The following EPRS1 variants were observed in gnomAD, a reference collection of about 807,000 sequenced individuals.
The protein encoded by EPRS1 is glutamyl-prolyl-tRNA synthetase 1.
EPRS1 carries 107 observed loss-of-function variants against 188.3 expected under a neutral mutation model. The observed-to-expected ratio is 0.57, with a 90% CI of 0.49 to 0.67. The LOEUF (loss-of-function observed/expected upper bound fraction) is 0.67. EPRS1 is among the 30% of genes least tolerant of loss of function. The pLI, the probability that EPRS1 is intolerant of heterozygous loss-of-function variation, is 0.00. For synonymous variants in EPRS1, 596 were observed against 593.1 expected, an observed-to-expected ratio of 1.00 and a Z score of -0.07; for missense variants, 1,577 against 1,802.2, an observed-to-expected ratio of 0.88 and a Z score of 2.26.
chr1:219,997,268 G>C lies in EPRS1; in HGVS notation c.2256C>G (p.Val752=). ...CTTGAACAGCCACTCTATTGTAAAG[G>C]ACCAAGGAATCCTCAGATGTAGTAC... ...NNCTTSEDSL[V]LYNRVAVQGD... is the part of the protein sequence containing the mutation. The change falls in exon 18 of 32, where the codon GTC becomes GTG. Residue 752 remains valine, a synonymous_variant. Coordinates refer to ENST00000366923, the MANE Select transcript of EPRS1 (RefSeq NM_004446.3). 6.2e-7 allele frequency: 1 copy of C among 1,613,868 alleles called. No homozygotes were observed. Among genetic ancestry groups the C allele is most frequent in the Non-Finnish European group, 8.5e-7 (1 of 1,179,862 alleles).
intron 29 of EPRS1, 87 bp from the exon 30 acceptor site, chr1:219,972,234 A>T: frequency 1.2e-6 from 1 of 837,826 alleles, no homozygotes; most frequent in Non-Finnish European, 1.9e-6. Context: ...ATTTAATGAA[A>T]AGACAACCTG....
chr1:220,028,436 A>G (rs185547794), intron 6 of EPRS1, among the ~76,000 whole-genome samples: 17 of 146,340 alleles, frequency 1.2e-4, no homozygotes, highest in African/African-American at 3.8e-4. Context: ...GAGTGACTCT[A>G]TATCAGAATC....
In EPRS1 at chr1:219,988,727, A is replaced by G. The variant is rs758509806; in HGVS notation, c.2638T>C (p.Ser880Pro). The change falls in exon 19 of 32, where the codon TCT (serine) becomes CCT (proline). Residue 880 changes from serine to proline, a missense_variant. This residue lies in a region of EPRS1 where 1,278 missense variants were observed against 1,457.4 expected (regional missense o/e 0.88). Coordinates refer to ENST00000366923, the MANE Select transcript of EPRS1 (RefSeq NM_004446.3). ...GTTGGGCTTGAATCCGAACTTTGAG[A>G]TAATGGGGGCTGACCAGGTATGTAC... ...KEYIPGQPPL[S>P]QSSDSSPTRN... is the part of the protein sequence containing the mutation. The G allele has an allele frequency of 1.9e-6, 3 of 1,613,932 alleles. No individual in the cohort carries two copies. The highest frequency in any genetic ancestry group is 2.5e-6 in the Non-Finnish European group (3 of 1,179,838).
chr1:219,973,174 G>A, intron 29 of EPRS1, 64 bp downstream of exon 29: 1 of 1,425,740 alleles, frequency 7.0e-7, no homozygotes, highest in Non-Finnish European at 9.7e-7. Context: ...AAAATTCCTT[G>A]GTAAAGATCT....
rs747690999 is a variant in EPRS1 at position 220,046,426 on chromosome 1, G to C, written c.-38C>G. 1 of 1,613,076 alleles carries C rather than the reference G, an allele frequency of 6.2e-7. No individual in the cohort carries two copies. The highest frequency in any genetic ancestry group is 1.7e-5 in the Admixed American group (1 of 59,902). On this transcript the variant is annotated 5_prime_UTR_variant, in exon 1 of 32. Transcript: ENST00000366923. ...GCTGGTCCACCTGTCAGTACGCCTG[G>C]CTCGTGCCAGAACTACGGAGGACCC...
chr1:220,041,524 T>C (rs1006205850), intron 1 of EPRS1, among the ~76,000 whole-genome samples: 2 of 152,066 alleles, frequency 1.3e-5, no homozygotes, highest in African/African-American at 4.8e-5. Context: ...ATTGATTCAT[T>C]AATCCTCTGT....
At chr1:220,029,760 G>C (rs1455315097) in intron 6 of EPRS1, among the ~76,000 whole-genome samples, 2 of 152,194 alleles carry the variant, frequency 1.3e-5, no homozygotes, top group African/African-American at 4.8e-5. Flanking sequence ...TAGGATGACA[G>C]GTGTGCAAAG....
intron 6 of EPRS1, among the ~76,000 whole-genome samples, chr1:220,026,022 T>G (rs2102592585): frequency 6.6e-6 from 1 of 152,258 alleles, no homozygotes; most frequent in East Asian, 1.9e-4. Context: ...CTCGATCTCT[T>G]GACCTCGTGA....
intron 18 of EPRS1, among the ~76,000 whole-genome samples, chr1:219,990,134 A>C (rs1207902358): frequency 1.3e-5 from 2 of 151,882 alleles, no homozygotes; most frequent in Non-Finnish European, 2.9e-5. Flanking sequence ...AAAAAAAAAA[A>C]AAAACCCCGT....
In EPRS1 at chr1:219,997,293, C is replaced by T; in HGVS notation, c.2231G>A (p.Cys744Tyr). 4.3e-6 allele frequency: 7 copies of T among 1,612,786 alleles called. No individual in the cohort carries two copies. The highest frequency in any genetic ancestry group is 5.9e-6 in the Non-Finnish European group (7 of 1,179,296). Residue 744 changes from cysteine (C) to tyrosine (Y), a missense_variant, in exon 18 of 32, where the codon TGT (cysteine) becomes TAT (tyrosine). Coordinates refer to ENST00000366923, the MANE Select transcript of EPRS1 (RefSeq NM_004446.3). ...ERPTPSLNNNCTTSEDSLVLY... is the reference protein window; with the variant it reads ...ERPTPSLNNNYTTSEDSLVLY... ...GACCAAGGAATCCTCAGATGTAGTACAATTATTATTCAGAGAAGGTGTTGG... is the reference window on the plus strand; with the variant it reads ...GACCAAGGAATCCTCAGATGTAGTATAATTATTATTCAGAGAAGGTGTTGG...
rs753926055 is a variant in EPRS1, at chr1:220,018,490, C to T, written c.1453G>A (p.Val485Met). The change falls in exon 12 of 32, where the codon GTG (valine) becomes ATG (methionine). Residue 485 changes from valine to methionine, a missense_variant. Around this residue, in one of 3 missense-constraint regions of EPRS1, gnomAD observed 1,278 missense variants for 1,457.4 expected, o/e 0.88. Transcript: ENST00000366923. ...CAGATTTTGTCCCACTCCATGTTCA[C>T]GACTGAACGTGAGGAGCCCTAAAAA... ...IAAQGSSRSV[V>M]NMEWDKIWAF... 3.1e-6 allele frequency: 5 copies of T among 1,610,662 alleles called. No homozygotes were observed. The African/African-American group carries it at 4.0e-5, about 13-fold the overall frequency.
chr1:219,980,732 A>C (rs1660878467), intron 25 of EPRS1, 24 bp downstream of exon 25: 1 of 1,503,904 alleles, frequency 6.6e-7, no homozygotes. Context: ...GAACATAGTT[A>C]ATATGGAAAA....
intron 1 of EPRS1, among the ~76,000 whole-genome samples, chr1:220,044,582 C>T (rs187412439): frequency 1.1e-3 from 166 of 144,770 alleles, no homozygotes; most frequent in Middle Eastern, 3.8e-3. Flanking sequence ...AAAAATTAGG[C>T]GGGCATGGTG....
intron 2 of EPRS1, among the ~76,000 whole-genome samples, chr1:220,036,143 T>C (rs1176611673): frequency 6.6e-6 from 1 of 152,142 alleles, no homozygotes; most frequent in East Asian, 1.9e-4. Context: ...GAGGTTGCAG[T>C]GAGCCAAGAT....
At chr1:220,018,778 A>G (rs1661793852) in intron 11 of EPRS1, among the ~76,000 whole-genome samples, 1 of 151,184 alleles carries the variant, frequency 6.6e-6, no homozygotes, top group African/African-American at 2.4e-5. Flanking sequence ...AATCTAGCTT[A>G]GGAGTTTAGG....
At chr1:219,981,337 A>C (rs1203042692) in intron 24 of EPRS1, 41 bp downstream of exon 24, 6 of 1,306,550 alleles carry the variant, frequency 4.6e-6, no homozygotes, top group Non-Finnish European at 5.3e-6. Context: ...AAAAAAAAGA[A>C]CATGAATAAT....
chr1:220,020,398 G>A (rs1009569883), intron 9 of EPRS1, among the ~76,000 whole-genome samples, 177 bp from the exon 10 acceptor site: 1 of 152,082 alleles, frequency 6.6e-6, no homozygotes, highest in African/African-American at 2.4e-5. Flanking sequence ...CAGCCTTTGA[G>A]AACAATGAGT....
rs1233473501 is a variant in EPRS1 at position 219,987,424 on chromosome 1, G to A, written c.2776-20C>T. 7.0e-6 allele frequency: 11 copies of A among 1,565,896 alleles called. No homozygotes were observed. The Admixed American group carries it at 7.9e-5, about 11-fold the overall frequency. On this transcript the variant is annotated intron_variant, in intron 19 of 31. Transcript: ENST00000366923. The stretch of plus-strand genomic sequence containing the variant: ...TTGATCCTTTAGTTTAACAAAAGAG[G>A]AAAAAGAGAAGACAGTATTTAACTC...
intron 6 of EPRS1, among the ~76,000 whole-genome samples, chr1:220,028,830 A>G (rs1016755248): frequency 1.3e-5 from 2 of 152,186 alleles, no homozygotes; most frequent in African/African-American, 4.8e-5. Context: ...GAAAAGAAAA[A>G]ATGAAAAAAT....
Sources: gnomAD v4.1 joint callset for allele counts (sites outside exome capture counted in the v4.1 genomes callset) on GRCh38, gnomAD v4.1.1 for gene constraint, gnomAD v4.1.1 regional missense constraint, MANE v1.5 for transcripts, NCBI Gene and HGNC (gene_info 2026-07-23, HGNC 2026-07-21) for gene names.